The following MALRD1 variants were observed in gnomAD, a reference collection of about 807,000 sequenced individuals.
The protein encoded by MALRD1 is MAM and LDL-receptor class A domain-containing protein 1.
A neutral mutation model predicts 242.1 loss-of-function variants in MALRD1; 247 were observed. That is an observed-to-expected ratio of 1.02 (90% CI 0.92 to 1.13). The LOEUF is 1.13. Ranked by LOEUF, MALRD1 falls within the 50% of genes most tolerant of loss-of-function variation. MALRD1 has a pLI of 0.00. For missense variants in MALRD1, 2,989 were observed against 2,533.1 expected (o/e 1.18, Z -3.86); for synonymous variants, 995 against 866.6 (o/e 1.15, Z -2.60).
At chr10:19,341,470 ATG>A (rs1554835776) in intron 24 of MALRD1, among the ~76,000 whole-genome samples, 54 of 83,402 alleles carry the variant, frequency 6.5e-4, no homozygotes, top group Non-Finnish European at 1.2e-3. Context: ...ATATGTATAT[ATG>A]TATATATATG....
chr10:19,572,457 G>T (rs1169725635), intron 33 of MALRD1, among the ~76,000 whole-genome samples: 1 of 152,124 alleles, frequency 6.6e-6, no homozygotes, highest in East Asian at 1.9e-4. Context: ...TGAAAATACT[G>T]TGCATTTCTA....
chr10:19,700,116 AAGTC>A (rs1276371872), intron 38 of MALRD1, among the ~76,000 whole-genome samples: 1 of 151,880 alleles, frequency 6.6e-6, no homozygotes, highest in Admixed American at 6.6e-5. Context: ...TCAAGCCAAA[AAGTC>A]AGAACTACAT....
chr10:19,540,921 C>G (rs1834940467), intron 32 of MALRD1, among the ~76,000 whole-genome samples: 1 of 152,066 alleles, frequency 6.6e-6, no homozygotes, highest in Admixed American at 6.6e-5. Context: ...TTGAGACCAG[C>G]CTGGGCAACA....
chr10:19,072,492 G>A (rs911123527), intron 2 of MALRD1, among the ~76,000 whole-genome samples: 3 of 152,014 alleles, frequency 2.0e-5, no homozygotes, highest in African/African-American at 4.8e-5. Context: ...TAACTCATAG[G>A]ATATGCAAAA....
chr10:19,104,529 TTTTA>T (rs1417111294), intron 5 of MALRD1, among the ~76,000 whole-genome samples: 1 of 152,116 alleles, frequency 6.6e-6, no homozygotes, highest in Non-Finnish European at 1.5e-5. Context: ...AGATATAAAT[TTTTA>T]TTTATATTGT....
At chr10:19,175,513 T>G (rs1026384011) in intron 14 of MALRD1, among the ~76,000 whole-genome samples, 185 bp downstream of exon 14, 2 of 149,230 alleles carry the variant, frequency 1.3e-5, no homozygotes, top group Non-Finnish European at 3.0e-5. Context: ...GTCTAGTCCT[T>G]AGGCCTCTCT....
chr10:19,094,823 A>G (rs574517621), intron 4 of MALRD1, among the ~76,000 whole-genome samples: 4 of 152,342 alleles, frequency 2.6e-5, no homozygotes, highest in African/African-American at 9.6e-5. Flanking sequence ...AAGCCAATGC[A>G]AGCCTATAAA....
At chr10:19,447,242 T>G (rs900699906) in intron 28 of MALRD1, among the ~76,000 whole-genome samples, 1 of 152,212 alleles carries the variant, frequency 6.6e-6, no homozygotes, top group African/African-American at 2.4e-5. Flanking sequence ...TACCTGGCAC[T>G]GTGTGAGCAC....
At chr10:19,329,458 T>A (rs922619300) in intron 23 of MALRD1, among the ~76,000 whole-genome samples, 2 of 152,006 alleles carry the variant, frequency 1.3e-5, no homozygotes, top group African/African-American at 4.8e-5. Flanking sequence ...TAATTTTTAC[T>A]ATTTGAGCAA....
At chr10:19,115,833 G>A (rs937614656) in intron 5 of MALRD1, among the ~76,000 whole-genome samples, 6 of 151,964 alleles carry the variant, frequency 3.9e-5, no homozygotes, top group African/African-American at 1.5e-4. Context: ...CTGAGATCAC[G>A]GCACTGCACT....
chr10:19,483,804 T>TA (rs1218196463), intron 29 of MALRD1, among the ~76,000 whole-genome samples: 152 of 151,912 alleles, frequency 1.0e-3, no homozygotes, highest in East Asian at 7.7e-3. Flanking sequence ...ATATTTCTAC[T>TA]AAAAAAAAGA....
chr10:19,695,852 C>G (rs1833355123), intron 38 of MALRD1, among the ~76,000 whole-genome samples: 1 of 151,980 alleles, frequency 6.6e-6, no homozygotes, highest in Non-Finnish European at 1.5e-5. Flanking sequence ...TGGCAGCAGG[C>G]AAGAGAGCTT....
chr10:19,699,098 C>A (rs931964462), intron 38 of MALRD1, among the ~76,000 whole-genome samples: 4 of 151,920 alleles, frequency 2.6e-5, no homozygotes, highest in Non-Finnish European at 4.4e-5. Context: ...GCCTGCAAGG[C>A]TTAAAACCTA....
intron 21 of MALRD1, among the ~76,000 whole-genome samples, chr10:19,287,683 A>G (rs1029459076): frequency 1.3e-5 from 2 of 152,134 alleles, no homozygotes; most frequent in African/African-American, 2.4e-5. Flanking sequence ...GATTTTTCAT[A>G]TAAAATTGCA....
intron 2 of MALRD1, among the ~76,000 whole-genome samples, chr10:19,081,716 C>T (rs981672580): frequency 6.6e-6 from 1 of 151,926 alleles, no homozygotes; most frequent in Non-Finnish European, 1.5e-5. Flanking sequence ...CCGTGGCACA[C>T]GTTTACCTGT....
chr10:19,606,909 G>A (rs948090868), intron 34 of MALRD1, among the ~76,000 whole-genome samples: 2 of 152,108 alleles, frequency 1.3e-5, no homozygotes, highest in Admixed American at 1.3e-4. Flanking sequence ...AAGAAAGGAA[G>A]AACATAATAC....
intron 28 of MALRD1, among the ~76,000 whole-genome samples, chr10:19,419,230 T>A (rs1223192266): frequency 6.6e-6 from 1 of 152,110 alleles, no homozygotes; most frequent in African/African-American, 2.4e-5. Flanking sequence ...AAAATGATTT[T>A]CCTTATTCTC....
rs186198092 is a variant in MALRD1 at position 19,596,114 on chromosome 10, T to G, written c.5944+657T>G. On this transcript the variant is annotated intron_variant, in intron 34 of 39. Transcript: ENST00000454679. ...GGCTGTGATGATTTGAGCAAATGCA[T>G]GTAAAATTCCAGGCTGTGTATTCAG... Among the ~76,000 whole-genome samples the G allele has an allele frequency of 9.2e-5, 14 of 152,292 alleles. No individual in the cohort carries two copies. In the South Asian group the frequency reaches 2.7e-3, roughly 29 times the overall value.
intron 18 of MALRD1, among the ~76,000 whole-genome samples, chr10:19,216,097 T>G: frequency 8.4e-6 from 1 of 118,832 alleles, no homozygotes; most frequent in Non-Finnish European, 1.9e-5. Context: ...CTTTTTCTAC[T>G]TCTTTCTTTC....
Sources: gnomAD v4.1 joint callset for allele counts (sites outside exome capture counted in the v4.1 genomes callset) on GRCh38, gnomAD v4.1.1 for gene constraint, MANE v1.5 for transcripts, NCBI Gene and HGNC (gene_info 2026-07-23, HGNC 2026-07-21) for gene names.